The following RTTN variants were observed in gnomAD, a reference collection of about 807,000 sequenced individuals.
RTTN encodes the protein rotatin.
Under a neutral mutation model 269.2 loss-of-function variants are expected in RTTN, and 182 were observed. That is an observed-to-expected ratio of 0.68 (90% CI 0.60 to 0.76). The LOEUF is 0.76. Among genes scored for constraint, RTTN ranks in the 30% least tolerant of loss-of-function variants. RTTN has a pLI of 0.00. For missense variants in RTTN, 2,545 were observed against 2,608.6 expected, an observed-to-expected ratio of 0.98 and a Z score of 0.53; for synonymous variants, 1,006 against 963.5, an observed-to-expected ratio of 1.04 and a Z score of -0.82.
chr18:70,158,916 C>T (rs554505046), intron 14 of RTTN, among the ~76,000 whole-genome samples: 38 of 152,230 alleles, frequency 2.5e-4, no homozygotes, highest in Middle Eastern at 3.4e-3. Flanking sequence ...TATAATGCAC[C>T]CAGCATTGGA....
intron 28 of RTTN, among the ~76,000 whole-genome samples, chr18:70,099,994 C>T (rs926717751): frequency 1.3e-5 from 2 of 152,048 alleles, no homozygotes; most frequent in East Asian, 3.9e-4. Context: ...CCTTGTAGTA[C>T]AGTTTGAAGT....
chr18:70,054,942 C>T (rs2057774878), intron 37 of RTTN, among the ~76,000 whole-genome samples: 1 of 152,008 alleles, frequency 6.6e-6, no homozygotes, highest in African/African-American at 2.4e-5. Flanking sequence ...AGAAAGATTA[C>T]AAAAACACCC....
intron 10 of RTTN, among the ~76,000 whole-genome samples, chr18:70,185,683 T>A (rs982933315): frequency 6.6e-6 from 1 of 152,106 alleles, no homozygotes; most frequent in Non-Finnish European, 1.5e-5. Flanking sequence ...GAAATAAAAC[T>A]GTCTTTATTC....
intron 34 of RTTN, among the ~76,000 whole-genome samples, chr18:70,070,298 T>A (rs924305090): frequency 6.6e-6 from 1 of 152,232 alleles, no homozygotes; most frequent in Non-Finnish European, 1.5e-5. Context: ...AGACTCTGGA[T>A]AATCCACAGG....
chr18:70,205,525 G>T, intron 1 of RTTN, 103 bp downstream of exon 1: 1 of 1,486,614 alleles, frequency 6.7e-7, no homozygotes. Flanking sequence ...GTGAAAGAGG[G>T]AGCGGTCGCG....
chr18:70,081,472 A>G (rs1054303185), intron 32 of RTTN, among the ~76,000 whole-genome samples: 2 of 152,338 alleles, frequency 1.3e-5, no homozygotes, highest in Admixed American at 1.3e-4. Context: ...TTTACTAAGT[A>G]ATCAAAGTTA....
chr18:70,018,195 CAAGT>C (rs1289580472), intron 45 of RTTN, among the ~76,000 whole-genome samples: 6 of 146,432 alleles, frequency 4.1e-5, no homozygotes, highest in African/African-American at 1.7e-4. Context: ...CTTATCATTA[CAAGT>C]AAGAATTTCT....
At chr18:70,075,594 C>A in intron 32 of RTTN, 53 bp from the exon 33 acceptor site, 1 of 1,402,314 alleles carries the variant, frequency 7.1e-7, no homozygotes, top group Non-Finnish European at 9.5e-7. Flanking sequence ...CAACAATTTC[C>A]TTAAAAAGAT....
At chr18:70,125,012 TTAAAA>T (rs1412219871) in intron 25 of RTTN, among the ~76,000 whole-genome samples, 1 of 152,068 alleles carries the variant, frequency 6.6e-6, no homozygotes, top group African/African-American at 2.4e-5. Context: ...ATCTGTTTTC[TTAAAA>T]TAAGTTTCCA....
intron 2 of RTTN, among the ~76,000 whole-genome samples, chr18:70,204,718 C>A (rs1427600665): frequency 2.0e-5 from 3 of 152,228 alleles, no homozygotes. Flanking sequence ...GAATACCAAT[C>A]TAAAAGCATA....
At chr18:70,160,380 A>G (rs764328911) in intron 14 of RTTN, among the ~76,000 whole-genome samples, 1 of 152,038 alleles carries the variant, frequency 6.6e-6, no homozygotes, top group Non-Finnish European at 1.5e-5. Context: ...ATAAAATTCA[A>G]CATTCCTTCT....
intron 28 of RTTN, among the ~76,000 whole-genome samples, chr18:70,105,989 T>G (rs575827387): frequency 6.6e-6 from 1 of 152,270 alleles, no homozygotes; most frequent in African/African-American, 2.4e-5. Context: ...GCAGTAGCCA[T>G]GGGATAGTAG....
intron 10 of RTTN, 81 bp from the exon 11 acceptor site, chr18:70,176,926 T>C (rs2061317709): frequency 3.0e-6 from 3 of 990,166 alleles, no homozygotes; most frequent in Non-Finnish European, 4.3e-6. Flanking sequence ...GAGAACAGTT[T>C]AAAATATTAT....
chr18:70,057,837 G>C lies in RTTN; in HGVS notation c.4941-5C>G. On this transcript the variant is annotated splice_polypyrimidine_tract_variant and splice_region_variant and intron_variant, in intron 36 of 48. Transcript: ENST00000640769. Reference sequence around the variant, plus strand: ...ATGAGGGTAGCATCTGCAATGCTGTGACGATCAGAAAAAGAAAATCCTTCA... The same window carrying C: ...ATGAGGGTAGCATCTGCAATGCTGTCACGATCAGAAAAAGAAAATCCTTCA... 6.2e-7 allele frequency: 1 copy of C among 1,605,994 alleles called. No homozygotes were observed.
intron 40 of RTTN, among the ~76,000 whole-genome samples, chr18:70,038,890 A>G (rs1370059104): frequency 6.6e-6 from 1 of 152,220 alleles, no homozygotes; most frequent in Non-Finnish European, 1.5e-5. Flanking sequence ...TTAAATAATT[A>G]AGAAGAATGA....
intron 4 of RTTN, 61 bp from the exon 5 acceptor site, chr18:70,199,565 G>A (rs1388381449): frequency 3.3e-6 from 4 of 1,194,814 alleles, no homozygotes; most frequent in Non-Finnish European, 5.0e-6. Flanking sequence ...GATTCACAAT[G>A]TTAAGAGTAA....
intron 40 of RTTN, among the ~76,000 whole-genome samples, chr18:70,033,924 TA>T (rs371602625): frequency 9.2e-5 from 14 of 151,696 alleles, no homozygotes; most frequent in African/African-American, 3.4e-4. Flanking sequence ...CAGAGACGAT[TA>T]TAAACACTTC....
At chr18:70,080,634 T>G (rs1439916553) in intron 32 of RTTN, among the ~76,000 whole-genome samples, 2 of 152,082 alleles carry the variant, frequency 1.3e-5, no homozygotes, top group African/African-American at 4.8e-5. Flanking sequence ...AAAGAAATGA[T>G]GGAGTTAGGA....
At chr18:70,034,489 C>G (rs1035488611) in intron 40 of RTTN, among the ~76,000 whole-genome samples, 1 of 152,128 alleles carries the variant, frequency 6.6e-6, no homozygotes, top group African/African-American at 2.4e-5. Context: ...CAGTAAAATT[C>G]AACATCTTTT....
Sources: allele counts gnomAD v4.1 joint callset (sites outside exome capture counted in the v4.1 genomes callset), GRCh38; gene constraint gnomAD v4.1.1; transcripts MANE v1.5; gene names NCBI Gene and HGNC (gene_info 2026-07-23, HGNC 2026-07-21).